The following PTPRN2 variants were observed in gnomAD, a reference collection of about 807,000 sequenced individuals.
The protein encoded by PTPRN2 is receptor-type tyrosine-protein phosphatase N2.
PTPRN2 carries 74 observed loss-of-function variants against 118.8 expected under a neutral mutation model. The observed-to-expected ratio is 0.62, with a 90% CI of 0.52 to 0.76. PTPRN2 has a LOEUF of 0.76. Ranked by LOEUF, PTPRN2 falls within the 30% of genes least tolerant of loss-of-function variation. The probability of loss-of-function intolerance (pLI) is 0.00; values close to 1 mark genes in which losing one functional copy is unlikely to be tolerated. For synonymous variants in PTPRN2, 641 were observed against 608.0 expected, an observed-to-expected ratio of 1.05 and a Z score of -0.80; for missense variants, 1,481 against 1,394.4, an observed-to-expected ratio of 1.06 and a Z score of -0.99.
intron 11 of PTPRN2, among the ~76,000 whole-genome samples, chr7:157,935,287 T>C (rs781164255): frequency 2.6e-5 from 4 of 152,210 alleles, no homozygotes; most frequent in Non-Finnish European, 4.4e-5. Flanking sequence ...GTCAGACCAC[T>C]TGACTTTGTC....
intron 2 of PTPRN2, among the ~76,000 whole-genome samples, chr7:158,441,979 GGTGGTGGTGATAGTGATGGTCATGGCA>G (rs1173987171): frequency 2.1e-5 from 3 of 144,560 alleles, no homozygotes; most frequent in Non-Finnish European, 4.6e-5. Context: ...TGGCAGTGGT[GGTGGTGGTGATAGTGATGGTCATGGCA>G]GTGGTGGTGA....
chr7:158,499,241 A>C (rs1175826033), intron 1 of PTPRN2, among the ~76,000 whole-genome samples: 2 of 152,070 alleles, frequency 1.3e-5, no homozygotes, highest in Non-Finnish European at 2.9e-5. Context: ...GGCCCTGTTA[A>C]ATGAGTATTT....
chr7:157,890,624 A>T (rs1796742956), intron 12 of PTPRN2, among the ~76,000 whole-genome samples: 1 of 152,252 alleles, frequency 6.6e-6, no homozygotes, highest in South Asian at 2.1e-4. Flanking sequence ...CCTGGGCGAC[A>T]GAGCGAGACT....
intron 2 of PTPRN2, among the ~76,000 whole-genome samples, chr7:158,458,316 T>A (rs1242045847): frequency 6.6e-6 from 1 of 151,990 alleles, no homozygotes; most frequent in Non-Finnish European, 1.5e-5. Flanking sequence ...CATCGGGATG[T>A]CCAGGAGATG....
chr7:158,013,352 T>C (rs888590243), intron 11 of PTPRN2, among the ~76,000 whole-genome samples: 6 of 152,108 alleles, frequency 3.9e-5, no homozygotes, highest in African/African-American at 1.4e-4. Context: ...CAGCAAACCA[T>C]TCATCTATAT....
At chr7:157,623,831 C>T (rs1803408176) in intron 14 of PTPRN2, among the ~76,000 whole-genome samples, 1 of 152,166 alleles carries the variant, frequency 6.6e-6, no homozygotes, top group South Asian at 2.1e-4. Context: ...CTGTGTTTGT[C>T]CCGTTCTGCT....
Position 157,610,179 on chromosome 7 carries a change from G to A in PTPRN2, c.2345-6104C>T, listed in dbSNP as rs149503417. On this transcript the variant is annotated intron_variant, in intron 15 of 22. Transcript: ENST00000389418. The surrounding 1 kb of genome is among the most constrained non-coding windows in gnomAD (Gnocchi z 5.1). The stretch of plus-strand genomic sequence containing the variant: ...TCCACGGTGCTGCTGTTTGGAGGAT[G>A]CGTGAGGCCATCTGTGAAGCCACTG... Among the ~76,000 whole-genome samples, 28 of 152,324 alleles carry A rather than the reference G, an allele frequency of 1.8e-4. No individual in the cohort carries two copies. The East Asian group carries it at 4.8e-3, about 26-fold the overall frequency.
At chr7:158,492,860 G>T (rs1230283390) in intron 1 of PTPRN2, among the ~76,000 whole-genome samples, 2 of 152,226 alleles carry the variant, frequency 1.3e-5, no homozygotes, top group East Asian at 3.8e-4. Context: ...CCTCGAGTGG[G>T]CTCCACACCC....
intron 3 of PTPRN2, among the ~76,000 whole-genome samples, chr7:158,244,467 G>A (rs1205584910): frequency 1.3e-5 from 2 of 152,200 alleles, no homozygotes; most frequent in Non-Finnish European, 2.9e-5. Flanking sequence ...CGTGTTTTGT[G>A]TGTGAGCTGT....
intron 20 of PTPRN2, 43 bp from the exon 21 acceptor site, chr7:157,569,009 G>A (rs534567674): frequency 2.7e-6 from 4 of 1,509,354 alleles, no homozygotes; most frequent in African/African-American, 1.4e-5. Flanking sequence ...CCGTCCACAC[G>A]GAAGCCCGAC....
At chr7:157,625,488 C>T (rs1803509462) in intron 14 of PTPRN2, among the ~76,000 whole-genome samples, 3 of 152,154 alleles carry the variant, frequency 2.0e-5, no homozygotes. Context: ...GAATGGAAAA[C>T]CCAACCATAT....
At chr7:157,856,472 G>T (rs1247077561) in intron 12 of PTPRN2, among the ~76,000 whole-genome samples, 1 of 152,202 alleles carries the variant, frequency 6.6e-6, no homozygotes, top group South Asian at 2.1e-4. Context: ...CCCACCACAG[G>T]CCGGTGCCTC....
chr7:157,844,461 G>T (rs773038666), intron 12 of PTPRN2, among the ~76,000 whole-genome samples: 4 of 152,182 alleles, frequency 2.6e-5, no homozygotes, highest in Non-Finnish European at 4.4e-5. Context: ...GAAGAAACCG[G>T]ACATCTGGGG....
At chr7:158,400,417 A>T (rs1360436904) in intron 2 of PTPRN2, among the ~76,000 whole-genome samples, 1 of 151,972 alleles carries the variant, frequency 6.6e-6, no homozygotes, top group Non-Finnish European at 1.5e-5. Context: ...CTCCTCAGAA[A>T]CTGGACAGAA....
chr7:157,905,379 C>T (rs142404957), intron 11 of PTPRN2, among the ~76,000 whole-genome samples: 7 of 152,258 alleles, frequency 4.6e-5, no homozygotes, highest in Non-Finnish European at 1.0e-4. Flanking sequence ...CAGGCCAGGG[C>T]GTGGAGACAG....
Position 158,540,505 on chromosome 7 carries a change from C to A in PTPRN2, c.112+47053G>T, listed in dbSNP as rs567527731. Among the ~76,000 whole-genome samples, 5 of 152,244 alleles carry A rather than the reference C, an allele frequency of 3.3e-5. No individual in the cohort carries two copies. The East Asian group carries it at 9.7e-4, about 30-fold the overall frequency. On this transcript the variant is annotated intron_variant, in intron 1 of 22. Coordinates refer to ENST00000389418, the MANE Select transcript of PTPRN2 (RefSeq NM_002847.5). ...TGAGGAGCCCAGGCTGGGCCCCCCACCTGTGCTCCATGGGAGGAAAGCACA... is the reference window on the plus strand; with the variant it reads ...TGAGGAGCCCAGGCTGGGCCCCCCAACTGTGCTCCATGGGAGGAAAGCACA...
chr7:158,580,689 T>C (rs549646501), intron 1 of PTPRN2, among the ~76,000 whole-genome samples: 1 of 152,336 alleles, frequency 6.6e-6, no homozygotes, highest in South Asian at 2.1e-4. Context: ...TCATCCCTTA[T>C]TCTGAAGTGG....
intron 1 of PTPRN2, among the ~76,000 whole-genome samples, chr7:158,531,106 G>A (rs1228681612): frequency 6.6e-6 from 1 of 152,148 alleles, no homozygotes; most frequent in Non-Finnish European, 1.5e-5. Flanking sequence ...TGTTCAAAGC[G>A]AGAGGATCCC....
chr7:158,498,678 C>G (rs1349547450), intron 1 of PTPRN2, among the ~76,000 whole-genome samples: 2 of 152,074 alleles, frequency 1.3e-5, no homozygotes, highest in Non-Finnish European at 2.9e-5. Context: ...CTTGCTTTCA[C>G]AGATAAAAAG....
Sources: allele counts gnomAD v4.1 joint callset (sites outside exome capture counted in the v4.1 genomes callset), GRCh38; gene constraint gnomAD v4.1.1; non-coding constraint Gnocchi (gnomAD v3.1); transcripts MANE v1.5; gene names NCBI Gene and HGNC (gene_info 2026-07-23, HGNC 2026-07-21).